MALSU1: variants seen among roughly 807,000 people sequenced by gnomAD.
MALSU1 encodes the protein mitochondrial assembly of ribosomal large subunit 1.
Under a neutral mutation model 22.1 loss-of-function variants are expected in MALSU1, and 22 were observed. The observed-to-expected ratio is 1.00, with a 90% CI of 0.71 to 1.42. MALSU1 has a LOEUF of 1.42. Ranked by LOEUF, MALSU1 falls within the 40% of genes most tolerant of loss-of-function variation. The pLI, the probability that MALSU1 is intolerant of heterozygous loss-of-function variation, is 0.00. For missense variants in MALSU1, 379 were observed against 308.3 expected (o/e 1.23, Z -1.72); for synonymous variants, 153 against 118.5 (o/e 1.29, Z -1.89).
intron 2 of MALSU1, among the ~76,000 whole-genome samples, chr7:23,302,751 A>G (rs1783665238): frequency 6.6e-6 from 1 of 152,222 alleles, no homozygotes; most frequent in Admixed American, 6.5e-5. Context: ...TGTTTGTGGT[A>G]AAATATATAT....
In MALSU1 at chr7:23,309,611, T is replaced by G; in HGVS notation, c.*68T>G. The G allele has an allele frequency of 2.3e-6, 3 of 1,295,186 alleles. No homozygotes were observed. Among genetic ancestry groups the G allele is most frequent in the African/African-American group, 1.5e-5 (1 of 67,380 alleles). 80.2% of individuals were successfully genotyped at this position (1,295,186 alleles called of 1,614,324 possible). ...GTCACTTATTGGAAAATACAGCTCC[T>G]AAAGTCCGTCTCCTTGGTTAGGCTG... is the stretch of plus-strand genomic sequence containing the variant. On this transcript the variant is annotated 3_prime_UTR_variant, in exon 4 of 4. Transcript: ENST00000466681.
intron 2 of MALSU1, 93 bp downstream of exon 2, chr7:23,301,110 T>G: frequency 8.3e-7 from 1 of 1,204,690 alleles, no homozygotes; most frequent in Non-Finnish European, 1.2e-6. Context: ...GGTAAACCCA[T>G]CATACAAAGT....
At chr7:23,308,454 G>A (rs1258318832) in intron 3 of MALSU1, among the ~76,000 whole-genome samples, 2 of 152,188 alleles carry the variant, frequency 1.3e-5, no homozygotes, top group Non-Finnish European at 2.9e-5. Context: ...TTACAAAGGG[G>A]AAACATAACT....
chr7:23,304,599 G>A (rs199654), intron 2 of MALSU1, among the ~76,000 whole-genome samples: 118,392 of 152,154 alleles, frequency 0.78, 46,764 homozygotes, highest in African/African-American at 0.91. Flanking sequence ...TTCTGGGCTC[G>A]AGTGATCCTC....
intron 2 of MALSU1, among the ~76,000 whole-genome samples, chr7:23,307,173 C>A (rs988444344): frequency 4.6e-5 from 7 of 152,180 alleles, no homozygotes; most frequent in Non-Finnish European, 7.3e-5. Context: ...CTCTTACAAT[C>A]CCATTTCTCT....
intron 1 of MALSU1, 108 bp from the exon 2 acceptor site, chr7:23,300,731 T>G: frequency 1.1e-6 from 1 of 935,756 alleles, no homozygotes. Flanking sequence ...AAAAACACTT[T>G]GGATCTAAAC....
At chr7:23,302,439 G>T (rs899752566) in intron 2 of MALSU1, among the ~76,000 whole-genome samples, 1 of 152,178 alleles carries the variant, frequency 6.6e-6, no homozygotes, top group Non-Finnish European at 1.5e-5. Flanking sequence ...AAATAAAAAG[G>T]TGGGGCCTAT....
At chr7:23,301,258 T>C (rs1783641302) in intron 2 of MALSU1, 1 of 170,862 alleles carries the variant, frequency 5.9e-6, no homozygotes, top group Admixed American at 6.5e-5. Flanking sequence ...GCAAGGAAGA[T>C]TTTTTTTTTT....
intron 2 of MALSU1, among the ~76,000 whole-genome samples, chr7:23,306,172 C>T (rs1051031410): frequency 4.0e-5 from 6 of 151,590 alleles, no homozygotes; most frequent in African/African-American, 9.7e-5. Context: ...CCAGCCTGGG[C>T]AACAAGAGCG....
In MALSU1 at chr7:23,311,300, G is replaced by C. The variant is rs1161635844; in HGVS notation, c.*1757G>C. 6.6e-6 allele frequency: 1 copy of C among 152,484 alleles called. No homozygotes were observed. Among genetic ancestry groups the C allele is most frequent in the Non-Finnish European group, 1.5e-5 (1 of 68,016 alleles). The allele number at this position is 152,484 out of a possible 1,614,324, so 9.4% of individuals were successfully genotyped here. ...CATCCTATAAGACAAGCTAAAGCTT[G>C]CTTTTTGCCAGTCAGTTGAAAGTCT... On this transcript the variant is annotated 3_prime_UTR_variant, in exon 4 of 4. Transcript: ENST00000466681.
chr7:23,307,681 A>C (rs1209318500), intron 2 of MALSU1, 187 bp from the exon 3 acceptor site: 35 of 527,626 alleles, frequency 6.6e-5, no homozygotes, highest in Admixed American at 2.1e-4. Flanking sequence ...GAGAGAGGTG[A>C]AAGTGAATAA....
chr7:23,303,185 T>G (rs1053317039), intron 2 of MALSU1, among the ~76,000 whole-genome samples: 1 of 152,204 alleles, frequency 6.6e-6, no homozygotes, highest in Non-Finnish European at 1.5e-5. Context: ...CTGAACTCAT[T>G]AAACAATAAC....
At chr7:23,299,652 CTG>C in intron 1 of MALSU1, 44 bp downstream of exon 1, 1 of 1,530,774 alleles carries the variant, frequency 6.5e-7, no homozygotes, top group African/African-American at 1.4e-5. Flanking sequence ...TCCGGGCAGT[CTG>C]GAGTCAGGTC....
At position 23,311,477 on chromosome 7, in the gene MALSU1, T is replaced by G. The variant is rs780101245; in HGVS notation, c.*1934T>G. The G allele has an allele frequency of 6.6e-6, 1 of 152,576 alleles. No homozygotes were observed. The highest frequency in any genetic ancestry group is 1.5e-5 in the Non-Finnish European group (1 of 68,038). The allele number at this position is 152,576 out of a possible 1,614,324, so 9.5% of individuals were successfully genotyped here. A position where few individuals can be genotyped will look rare whatever the true frequency, so the allele number is the denominator to read the frequency against. Reference sequence around the variant, plus strand: ...CCAAAATCTCCTGCGACCACTTTGTTAGTACCGTCAAAAACTTTCCCAACT... The same window carrying G: ...CCAAAATCTCCTGCGACCACTTTGTGAGTACCGTCAAAAACTTTCCCAACT... On this transcript the variant is annotated 3_prime_UTR_variant, in exon 4 of 4. Coordinates refer to ENST00000466681, the MANE Select transcript of MALSU1 (RefSeq NM_138446.2).
At chr7:23,303,583 G>A (rs988529665) in intron 2 of MALSU1, among the ~76,000 whole-genome samples, 8 of 152,030 alleles carry the variant, frequency 5.3e-5, no homozygotes, top group Non-Finnish European at 7.4e-5. Context: ...GATTGCTTGA[G>A]CTCAGAAGTT....
Position 23,309,478 on chromosome 7 carries a change from G to T in MALSU1, c.640G>T (p.Asp214Tyr). The T allele has an allele frequency of 6.2e-7, 1 of 1,613,306 alleles. No homozygotes were observed. Among genetic ancestry groups the T allele is most frequent in the East Asian group, 2.2e-5 (1 of 44,856 alleles). Residue 214 changes from aspartate to tyrosine, a missense_variant, in exon 4 of 4, where the codon GAC (aspartate) becomes TAC (tyrosine). Physicochemically the swap from Asp to Tyr is radical, Grantham distance 160. Transcript: ENST00000466681. ...GATAGCACCTGAGACAGTACCTGAA[G>T]ACTTCATTCTTGGAATAGAAGATGA... is the stretch of plus-strand genomic sequence containing the variant. ...AQIAPETVPE[D>Y]FILGIEDDTS...
rs751249012 is a variant in MALSU1 at position 23,309,617 on chromosome 7, C to T, written c.*74C>T. The T allele has an allele frequency of 2.2e-5, 28 of 1,247,970 alleles. No homozygotes were observed. Among genetic ancestry groups the T allele is most frequent in the African/African-American group, 6.0e-5 (4 of 66,188 alleles). The allele number at this position is 1,247,970 out of a possible 1,614,324, so 77.3% of individuals were successfully genotyped here. A position where few individuals can be genotyped will look rare whatever the true frequency, so the allele number is the denominator to read the frequency against. On this transcript the variant is annotated 3_prime_UTR_variant, in exon 4 of 4. Transcript: ENST00000466681. ...TATTGGAAAATACAGCTCCTAAAGTCCGTCTCCTTGGTTAGGCTGCTCTTA... is the reference window on the plus strand; with the variant it reads ...TATTGGAAAATACAGCTCCTAAAGTTCGTCTCCTTGGTTAGGCTGCTCTTA...
chr7:23,308,433 CAAGAT>C (rs1457478641), intron 3 of MALSU1, among the ~76,000 whole-genome samples: 1 of 152,176 alleles, frequency 6.6e-6, no homozygotes, highest in African/African-American at 2.4e-5. Flanking sequence ...CACCTCCCAA[CAAGAT>C]AATATTTACA....
rs138740275 is a variant in MALSU1, at chr7:23,311,634, T to G, written c.*2091T>G. The G allele has an allele frequency of 0.04, 6,125 of 152,580 alleles. 201 individuals carry two copies. Among genetic ancestry groups the G allele is most frequent in the South Asian group, 0.1 (497 of 4,822 alleles). The allele number at this position is 152,580 out of a possible 1,614,324, so 9.5% of individuals were successfully genotyped here. A position where few individuals can be genotyped will look rare whatever the true frequency, so the allele number is the denominator to read the frequency against. On this transcript the variant is annotated 3_prime_UTR_variant, in exon 4 of 4. Coordinates refer to ENST00000466681, the MANE Select transcript of MALSU1 (RefSeq NM_138446.2). Reference sequence around the variant, plus strand: ...CCTGAAATTAATTTTCCAGCTTTACTGTCACCAGCCAGAAGTAAAAATCTT... The same window carrying G: ...CCTGAAATTAATTTTCCAGCTTTACGGTCACCAGCCAGAAGTAAAAATCTT...
Sources: gnomAD v4.1 joint callset for allele counts (sites outside exome capture counted in the v4.1 genomes callset) on GRCh38, gnomAD v4.1.1 for gene constraint, MANE v1.5 for transcripts, NCBI Gene and HGNC (gene_info 2026-07-23, HGNC 2026-07-21) for gene names.